The following RPRD1B variants were observed in gnomAD, a reference collection of about 807,000 sequenced individuals.
The protein encoded by RPRD1B is regulation of nuclear pre-mRNA domain-containing protein 1B.
Under a neutral mutation model 41.5 loss-of-function variants are expected in RPRD1B, and 11 were observed. That is an observed-to-expected ratio of 0.27 (90% confidence interval 0.17 to 0.44). The LOEUF (loss-of-function observed/expected upper bound fraction) is 0.44, where lower values mean the gene tolerates loss of function less well. Among genes scored for constraint, RPRD1B ranks in the 20% least tolerant of loss-of-function variants. The pLI, the probability that RPRD1B is intolerant of heterozygous loss-of-function variation, is 1.00. For missense variants in RPRD1B, 248 were observed against 389.9 expected, an observed-to-expected ratio of 0.64 and a Z score of 3.06; for synonymous variants, 158 against 155.6, an observed-to-expected ratio of 1.02 and a Z score of -0.12.
In RPRD1B at chr20:38,090,373, G is replaced by A. The variant is rs115025086; in HGVS notation, c.*498G>A. 9.1e-4 allele frequency: 894 copies of A among 986,262 alleles called. 4 individuals carry two copies. In the African/African-American group the frequency reaches 0.013, roughly 14 times the overall value. The allele number at this position is 986,262 out of a possible 1,614,324, so 61.1% of individuals were successfully genotyped here. A position where few individuals can be genotyped will look rare whatever the true frequency, so the allele number is the denominator to read the frequency against. Reference sequence around the variant, plus strand: ...GCCCCAAAAGGTTGTAGGCACAGCTGTCGTAGCGTTGCCATAAAGAGTTTG... The same window carrying A: ...GCCCCAAAAGGTTGTAGGCACAGCTATCGTAGCGTTGCCATAAAGAGTTTG... On this transcript the variant is annotated 3_prime_UTR_variant, in exon 7 of 7. Transcript: ENST00000373433.
At chr20:38,061,129 TGTG>T (rs997311905) in intron 5 of RPRD1B, among the ~76,000 whole-genome samples, 1 of 152,244 alleles carries the variant, frequency 6.6e-6, no homozygotes, top group Non-Finnish European at 1.5e-5. Flanking sequence ...GATTTTTAAT[TGTG>T]GTAAAATACA....
Position 38,090,236 on chromosome 20 carries a change from A to T in RPRD1B, c.*361A>T, listed in dbSNP as rs188523359. 29 of 997,364 alleles carry T rather than the reference A, an allele frequency of 2.9e-5. No individual in the cohort carries two copies. In the East Asian group the frequency reaches 1.6e-3, roughly 55 times the overall value. The allele number at this position is 997,364 out of a possible 1,614,324, so 61.8% of individuals were successfully genotyped here. A position where few individuals can be genotyped will look rare whatever the true frequency, so the allele number is the denominator to read the frequency against. On this transcript the variant is annotated 3_prime_UTR_variant, in exon 7 of 7. Coordinates refer to ENST00000373433, the MANE Select transcript of RPRD1B (RefSeq NM_021215.4). ...TCGAAAGAATCTTGTCCCTCATGACAGCATTTTATCATGAAAGCAGCTTCT... is the reference window on the plus strand; with the variant it reads ...TCGAAAGAATCTTGTCCCTCATGACTGCATTTTATCATGAAAGCAGCTTCT...
Position 38,090,821 on chromosome 20 carries a change from CT to C in RPRD1B, c.*947del. The C allele has an allele frequency of 1.0e-6, 1 of 985,460 alleles. No individual in the cohort carries two copies. Among genetic ancestry groups the C allele is most frequent in the Non-Finnish European group, 1.2e-6 (1 of 829,962 alleles). The allele number at this position is 985,460 out of a possible 1,614,324, so 61.0% of individuals were successfully genotyped here. On this transcript the variant is annotated 3_prime_UTR_variant, in exon 7 of 7. Transcript: ENST00000373433. The stretch of plus-strand genomic sequence containing the variant: ...TACACACTAACGTTTAATCCGCTGT[CT>C]GGGTGCATGTCCACAGTACGGTGGC...
At chr20:38,066,778 C>T (rs1007435569) in intron 6 of RPRD1B, among the ~76,000 whole-genome samples, 9 of 152,102 alleles carry the variant, frequency 5.9e-5, no homozygotes, top group African/African-American at 1.9e-4. Context: ...GCCTCAGCCT[C>T]CCAAGTAGCT....
At chr20:38,051,237 C>T (rs1189504582) in intron 3 of RPRD1B, among the ~76,000 whole-genome samples, 1 of 152,176 alleles carries the variant, frequency 6.6e-6, no homozygotes, top group Non-Finnish European at 1.5e-5. Flanking sequence ...TTATTTGTCA[C>T]TTAAAAACAA....
chr20:38,065,843 A>G (rs2122736470), intron 5 of RPRD1B: 1 of 369,722 alleles, frequency 2.7e-6, no homozygotes, highest in East Asian at 4.2e-5. Context: ...AGCCTTTGCC[A>G]GATTCCCCCC....
rs189037391 is a variant in RPRD1B at position 38,036,142 on chromosome 20, A to T, written c.151+2044A>T. On this transcript the variant is annotated intron_variant, in intron 1 of 6. Coordinates refer to ENST00000373433, the MANE Select transcript of RPRD1B (RefSeq NM_021215.4). ...GTTACTGAAAAAAAGCAAATTAGAGAGTACATTTGTGTATGAAGCTCCGTT... is the reference window on the plus strand; with the variant it reads ...GTTACTGAAAAAAAGCAAATTAGAGTGTACATTTGTGTATGAAGCTCCGTT... Among the ~76,000 whole-genome samples the T allele has an allele frequency of 3.3e-5, 5 of 152,224 alleles. No individual in the cohort carries two copies. The East Asian group carries it at 9.7e-4, about 29-fold the overall frequency.
intron 3 of RPRD1B, among the ~76,000 whole-genome samples, chr20:38,054,593 G>T (rs1361903588): frequency 2.0e-5 from 3 of 152,126 alleles, no homozygotes; most frequent in Non-Finnish European, 4.4e-5. Context: ...AATTTGAGTT[G>T]GGGGAAACAA....
chr20:38,065,602 G>GT (rs1179893376), intron 5 of RPRD1B, among the ~76,000 whole-genome samples: 1 of 152,132 alleles, frequency 6.6e-6, no homozygotes, highest in East Asian at 1.9e-4. Context: ...TTAAAATTGG[G>GT]TTTTTAATTG....
At chr20:38,077,561 C>G (rs1268377665) in intron 6 of RPRD1B, among the ~76,000 whole-genome samples, 1 of 152,136 alleles carries the variant, frequency 6.6e-6, no homozygotes, top group Admixed American at 6.5e-5. Context: ...ATGCCTCTGC[C>G]AGGTTGACCT....
chr20:38,042,794 T>C (rs922452678), intron 2 of RPRD1B, among the ~76,000 whole-genome samples: 4 of 152,262 alleles, frequency 2.6e-5, no homozygotes, highest in Admixed American at 2.6e-4. Flanking sequence ...AGTTGACCCA[T>C]TACTGTTGAC....
At chr20:38,083,020 A>G (rs979206971) in intron 6 of RPRD1B, among the ~76,000 whole-genome samples, 39 of 152,178 alleles carry the variant, frequency 2.6e-4, no homozygotes, top group African/African-American at 8.9e-4. Flanking sequence ...TTTGTTTCTC[A>G]GCTGTCCTCC....
At chr20:38,080,395 C>T (rs890403930) in intron 6 of RPRD1B, among the ~76,000 whole-genome samples, 2 of 152,212 alleles carry the variant, frequency 1.3e-5, no homozygotes, top group Non-Finnish European at 2.9e-5. Flanking sequence ...AGGAATGGGT[C>T]CAGTTTTAAT....
rs145834235 is a variant in RPRD1B, at chr20:38,040,971, AT to A, written c.281+410del. Among the ~76,000 whole-genome samples the A allele has an allele frequency of 2.4e-4, 37 of 152,286 alleles. No individual in the cohort carries two copies. In the East Asian group the frequency reaches 5.4e-3, roughly 22 times the overall value. Reference sequence around the variant, plus strand: ...TGCCTTCCTTTTTATTTCCTTCTGGATTTCTAGATGTCTAGTTTACTAAAAA... The same window carrying A: ...TGCCTTCCTTTTTATTTCCTTCTGGATTCTAGATGTCTAGTTTACTAAAAA... On this transcript the variant is annotated intron_variant, in intron 2 of 6. Coordinates refer to ENST00000373433, the MANE Select transcript of RPRD1B (RefSeq NM_021215.4).
chr20:38,065,277 C>T (rs942863332), intron 5 of RPRD1B, among the ~76,000 whole-genome samples: 2 of 152,154 alleles, frequency 1.3e-5, no homozygotes, highest in African/African-American at 4.8e-5. Flanking sequence ...ATATAGAAAC[C>T]TGTCATGTAG....
At chr20:38,051,996 C>T (rs1278025896) in intron 3 of RPRD1B, among the ~76,000 whole-genome samples, 1 of 152,186 alleles carries the variant, frequency 6.6e-6, no homozygotes. Context: ...GGTGATCCGC[C>T]CACCTCGGCC....
chr20:38,081,464 G>A (rs916593040), intron 6 of RPRD1B, among the ~76,000 whole-genome samples: 8 of 152,138 alleles, frequency 5.3e-5, no homozygotes, highest in African/African-American at 1.9e-4. Flanking sequence ...GACATTATGG[G>A]GTTTTCTAGC....
chr20:38,040,604 G>T, intron 2 of RPRD1B, 40 bp downstream of exon 2: 1 of 1,576,670 alleles, frequency 6.3e-7, no homozygotes, highest in Non-Finnish European at 8.6e-7. Context: ...TAAATTCATT[G>T]CCTTTCCCAC....
chr20:38,068,140 A>C (rs947860134), intron 6 of RPRD1B, among the ~76,000 whole-genome samples: 11 of 152,196 alleles, frequency 7.2e-5, no homozygotes, highest in Non-Finnish European at 1.5e-4. Context: ...AAGGTGGAGA[A>C]ACAGATTAGA....
Sources: allele counts gnomAD v4.1 joint callset (sites outside exome capture counted in the v4.1 genomes callset), GRCh38; gene constraint gnomAD v4.1.1; transcripts MANE v1.5; gene names NCBI Gene and HGNC (gene_info 2026-07-23, HGNC 2026-07-21).